Variants in FGGY observed in about 807,000 individuals in gnomAD.
The protein encoded by FGGY is FGGY carbohydrate kinase domain-containing protein.
A neutral mutation model predicts 71.3 loss-of-function variants in FGGY; 72 were observed. That is an observed-to-expected ratio of 1.01 (90% CI 0.84 to 1.23). FGGY has a LOEUF of 1.23. Ranked by LOEUF, FGGY falls within the 50% of genes most tolerant of loss-of-function variation. The pLI, the probability that FGGY is intolerant of heterozygous loss-of-function variation, is 0.00. For synonymous variants in FGGY, 251 were observed against 250.3 expected, an observed-to-expected ratio of 1.00 and a Z score of -0.02; for missense variants, 668 against 682.3, an observed-to-expected ratio of 0.98 and a Z score of 0.23.
chr1:59,353,460 A>G (rs1210460118), intron 4 of FGGY, among the ~76,000 whole-genome samples: 1 of 152,190 alleles, frequency 6.6e-6, no homozygotes, highest in African/African-American at 2.4e-5. Flanking sequence ...AGAGACAATC[A>G]TAGAAAATAG....
Position 59,581,148 on chromosome 1 carries a change from GT to G in FGGY, c.904-26650del, listed in dbSNP as rs2096187722. Among the ~76,000 whole-genome samples the G allele has an allele frequency of 1.3e-5, 2 of 150,580 alleles. 1 individual carries two copies. Among genetic ancestry groups the G allele is most frequent in the African/African-American group, 5.0e-5 (2 of 40,070 alleles). On this transcript the variant is annotated intron_variant, in intron 8 of 15. Transcript: ENST00000303721. The stretch of plus-strand genomic sequence containing the variant: ...ACCTCCATAGTGAGATCTGCATTAG[GT>G]TTTTGACCAAGAAGACAGTAATATT...
intron 14 of FGGY, among the ~76,000 whole-genome samples, chr1:59,725,757 C>T (rs1240068522): frequency 4.6e-5 from 7 of 152,132 alleles, no homozygotes; most frequent in African/African-American, 1.4e-4. Context: ...TATACCCTTA[C>T]TTGTTTGCTT....
intron 10 of FGGY, 63 bp downstream of exon 10, chr1:59,626,112 T>C (rs1482260777): frequency 1.5e-6 from 2 of 1,365,338 alleles, no homozygotes; most frequent in Non-Finnish European, 2.1e-6. Context: ...AGAATTCACG[T>C]TGGGCAGTTG....
chr1:59,482,840 C>T (rs2093537298), intron 6 of FGGY, among the ~76,000 whole-genome samples: 1 of 151,934 alleles, frequency 6.6e-6, no homozygotes, highest in South Asian at 2.1e-4. Context: ...AGTTGATCTT[C>T]AGATCAACAA....
chr1:59,637,761 A>G (rs1572446271), intron 10 of FGGY, among the ~76,000 whole-genome samples: 2 of 152,200 alleles, frequency 1.3e-5, no homozygotes, highest in East Asian at 1.9e-4. Flanking sequence ...CTCTCCATTT[A>G]TCAACTCATC....
chr1:59,578,408 C>G (rs1433879987), intron 8 of FGGY, among the ~76,000 whole-genome samples: 1 of 151,936 alleles, frequency 6.6e-6, no homozygotes, highest in Non-Finnish European at 1.5e-5. Context: ...CACCTTGACC[C>G]CTGTATGGAG....
chr1:59,697,032 A>G (rs968329927), intron 14 of FGGY, among the ~76,000 whole-genome samples: 1 of 152,222 alleles, frequency 6.6e-6, no homozygotes, highest in Admixed American at 6.5e-5. Context: ...GCTTTCCAGA[A>G]AAGTGGCGAG....
At chr1:59,610,010 C>T (rs1445064174) in intron 9 of FGGY, among the ~76,000 whole-genome samples, 5 of 152,208 alleles carry the variant, frequency 3.3e-5, no homozygotes, top group Admixed American at 3.3e-4. Context: ...GGCTACAGTA[C>T]AGTAGAAATG....
chr1:59,511,269 C>T (rs1056303179), intron 6 of FGGY, among the ~76,000 whole-genome samples: 1 of 152,140 alleles, frequency 6.6e-6, no homozygotes, highest in Non-Finnish European at 1.5e-5. Flanking sequence ...CCCCAGAGGT[C>T]CTGGAGCACC....
intron 8 of FGGY, among the ~76,000 whole-genome samples, chr1:59,604,329 A>G (rs979531127): frequency 6.6e-6 from 1 of 152,210 alleles, no homozygotes; most frequent in African/African-American, 2.4e-5. Flanking sequence ...CTCAAAACAA[A>G]CTAGGAATTC....
intron 6 of FGGY, among the ~76,000 whole-genome samples, chr1:59,490,425 A>G (rs959425665): frequency 2.0e-5 from 3 of 151,998 alleles, no homozygotes; most frequent in African/African-American, 7.2e-5. Flanking sequence ...TAATGTCTTG[A>G]CCAATGAATA....
intron 11 of FGGY, among the ~76,000 whole-genome samples, chr1:59,656,674 G>T (rs1426475869): frequency 6.6e-6 from 1 of 152,140 alleles, no homozygotes. Context: ...TACTGGAAAC[G>T]GTTGTATGAG....
At position 59,477,058 on chromosome 1, in the gene FGGY, T is replaced by C. The variant is rs528192541; in HGVS notation, c.670+19982T>C. On this transcript the variant is annotated intron_variant, in intron 6 of 15. Coordinates refer to ENST00000303721, the MANE Select transcript of FGGY (RefSeq NM_018291.5). ...AAGTTATTGACTTGGGACTTGCTTC[T>C]GGATCTCAGTTGGACATCTGACCTC... Among the ~76,000 whole-genome samples, 5 of 152,352 alleles carry C rather than the reference T, an allele frequency of 3.3e-5. No individual in the cohort carries two copies. In the South Asian group the frequency reaches 1.0e-3, roughly 32 times the overall value.
At chr1:59,491,201 G>C (rs1209226555) in intron 6 of FGGY, among the ~76,000 whole-genome samples, 2 of 132,978 alleles carry the variant, frequency 1.5e-5, no homozygotes, top group Non-Finnish European at 3.3e-5. Flanking sequence ...TATTGCTTTG[G>C]CATTGTGTTT....
intron 14 of FGGY, among the ~76,000 whole-genome samples, chr1:59,678,363 T>C (rs2097457210): frequency 6.6e-6 from 1 of 152,146 alleles, no homozygotes; most frequent in African/African-American, 2.4e-5. Context: ...CTGAATATCT[T>C]GGAAAACAAA....
intron 14 of FGGY, among the ~76,000 whole-genome samples, chr1:59,721,337 G>GTC (rs2097891527): frequency 1.9e-5 from 2 of 105,376 alleles, no homozygotes; most frequent in South Asian, 6.2e-4. Flanking sequence ...TCTTTCCTTT[G>GTC]TTTTTTTTTT....
At chr1:59,487,499 T>G (rs1422587769) in intron 6 of FGGY, among the ~76,000 whole-genome samples, 2 of 152,172 alleles carry the variant, frequency 1.3e-5, no homozygotes, top group Non-Finnish European at 2.9e-5. Context: ...ACACAGTCTT[T>G]CCAAGCAGTT....
At chr1:59,441,014 A>G (rs2069715403) in intron 5 of FGGY, among the ~76,000 whole-genome samples, 2 of 152,030 alleles carry the variant, frequency 1.3e-5, no homozygotes, top group Non-Finnish European at 2.9e-5. Context: ...TCTGGTATTT[A>G]TTTATTGAAG....
chr1:59,707,011 T>A (rs1480302835), intron 14 of FGGY, among the ~76,000 whole-genome samples: 1 of 152,174 alleles, frequency 6.6e-6, no homozygotes, highest in Non-Finnish European at 1.5e-5. Flanking sequence ...CCCTGCCCTC[T>A]CCAACTCTGG....
Sources: gnomAD v4.1 joint callset for allele counts (sites outside exome capture counted in the v4.1 genomes callset) on GRCh38, gnomAD v4.1.1 for gene constraint, MANE v1.5 for transcripts, NCBI Gene and HGNC (gene_info 2026-07-23, HGNC 2026-07-21) for gene names.